Variants in XPO6 observed in about 807,000 individuals in gnomAD.
The protein encoded by XPO6 is exportin 6, also known as exportin-6.
A neutral mutation model predicts 130.0 loss-of-function variants in XPO6; 3 were observed. The observed-to-expected ratio is 0.02, with a 90% CI of 0.01 to 0.06. XPO6 has a LOEUF of 0.06. Among genes scored for constraint, XPO6 ranks in the 10% least tolerant of loss-of-function variants. The probability of loss-of-function intolerance (pLI) is 1.00; values close to 1 mark genes in which losing one functional copy is unlikely to be tolerated. For synonymous variants in XPO6, 524 were observed against 548.9 expected, an observed-to-expected ratio of 0.95 and a Z score of 0.63; for missense variants, 970 against 1,393.0, an observed-to-expected ratio of 0.70 and a Z score of 4.83.
chr16:28,160,126 A>T (rs2141833441), intron 6 of XPO6, among the ~76,000 whole-genome samples: 1 of 145,190 alleles, frequency 6.9e-6, no homozygotes, highest in East Asian at 2.1e-4. Context: ...TGGAGGTTGC[A>T]GTAAGTAGAG....
chr16:28,201,355 C>T (rs2043950075), intron 1 of XPO6, among the ~76,000 whole-genome samples: 1 of 152,138 alleles, frequency 6.6e-6, no homozygotes. Context: ...TTACACCTGA[C>T]TCTTAATTAC....
chr16:28,121,869 A>G, intron 13 of XPO6, 107 bp from the exon 14 acceptor site: 1 of 693,652 alleles, frequency 1.4e-6, no homozygotes, highest in Non-Finnish European at 2.5e-6. Flanking sequence ...ACTTTTTCAT[A>G]TACAAAAAAG....
intron 6 of XPO6, among the ~76,000 whole-genome samples, chr16:28,163,758 C>A (rs1406000368): frequency 6.6e-6 from 1 of 152,176 alleles, no homozygotes; most frequent in Non-Finnish European, 1.5e-5. Context: ...AGGAAGTGGA[C>A]AGAATTGGTG....
chr16:28,146,726 G>C (rs1409609461), intron 8 of XPO6, among the ~76,000 whole-genome samples: 2 of 152,198 alleles, frequency 1.3e-5, no homozygotes, highest in Non-Finnish European at 2.9e-5. Flanking sequence ...CTACAGAACA[G>C]ACTGAAAATG....
At chr16:28,109,301 CT>C (rs77303555) in intron 17 of XPO6, among the ~76,000 whole-genome samples, 358 of 141,412 alleles carry the variant, frequency 2.5e-3, no homozygotes, top group Middle Eastern at 3.6e-3. Context: ...TTTTTCTTTT[CT>C]TTTTTTTTTT....
chr16:28,126,999 T>G (rs2087434670), intron 12 of XPO6, among the ~76,000 whole-genome samples: 2 of 151,932 alleles, frequency 1.3e-5, no homozygotes, highest in South Asian at 2.1e-4. Context: ...CCACCAACCC[T>G]CCTCCCGCTG....
intron 1 of XPO6, among the ~76,000 whole-genome samples, chr16:28,198,089 C>T (rs138321176): frequency 0.013 from 1,933 of 150,734 alleles, 20 homozygotes; most frequent in African/African-American, 0.018. Context: ...TATTATTTAC[C>T]ATGGCAAAAA....
intron 17 of XPO6, 122 bp downstream of exon 17, chr16:28,111,695 C>T: frequency 9.2e-7 from 1 of 1,081,596 alleles, no homozygotes; most frequent in Non-Finnish European, 1.3e-6. Context: ...CCTGCTCAGC[C>T]TCTGTGGGAC....
chr16:28,160,956 G>A (rs1211399270), intron 6 of XPO6, among the ~76,000 whole-genome samples: 1 of 152,138 alleles, frequency 6.6e-6, no homozygotes, highest in Non-Finnish European at 1.5e-5. Context: ...CTCTTTAGTG[G>A]CTGGTTTAAA....
chr16:28,117,474 AAAG>A lies in XPO6; in HGVS notation c.1860-15_1860-13del. ...GGGACTGAGCATGCCTGCAGAAAGA[AAAG>A]AAGATGTGATTTTAAAGGTTAAGGT... On this transcript the variant is annotated splice_polypyrimidine_tract_variant and intron_variant, in intron 14 of 23. Coordinates refer to ENST00000304658, the MANE Select transcript of XPO6 (RefSeq NM_015171.4). 2.5e-6 allele frequency: 4 copies of A among 1,609,432 alleles called. No homozygotes were observed. The highest frequency in any genetic ancestry group is 3.4e-6 in the Non-Finnish European group (4 of 1,176,022).
chr16:28,200,764 C>T (rs565333356), intron 1 of XPO6, among the ~76,000 whole-genome samples: 2 of 152,152 alleles, frequency 1.3e-5, no homozygotes, highest in African/African-American at 4.8e-5. Context: ...GGAGAAGTTA[C>T]TTAGCATTAC....
At chr16:28,135,838 T>A (rs770052599) in intron 9 of XPO6, among the ~76,000 whole-genome samples, 1 of 152,238 alleles carries the variant, frequency 6.6e-6, no homozygotes, top group Non-Finnish European at 1.5e-5. Flanking sequence ...GCCTCATTTT[T>A]GCCATTTTGC....
rs144276029 is a variant in XPO6, at chr16:28,157,183, G to A, written c.644-656C>T. Among the ~76,000 whole-genome samples the A allele has an allele frequency of 9.3e-4, 141 of 152,276 alleles. 2 individuals are homozygous for A. The highest frequency in any genetic ancestry group is 1.6e-3 in the Non-Finnish European group (106 of 68,018). ...TAAGATTTTCTAATCAAGGCTGGGC[G>A]CGGTGGCTCATGCCTGTAATCACAG... On this transcript the variant is annotated intron_variant, in intron 6 of 23. Coordinates refer to ENST00000304658, the MANE Select transcript of XPO6 (RefSeq NM_015171.4).
chr16:28,123,397 C>T (rs755550920), intron 13 of XPO6, among the ~76,000 whole-genome samples: 20 of 151,152 alleles, frequency 1.3e-4, no homozygotes, highest in South Asian at 8.3e-4. Context: ...TGAGCCACCA[C>T]GCCTGGAGTT....
chr16:28,102,751 A>C (rs2086680237), intron 21 of XPO6, among the ~76,000 whole-genome samples: 1 of 152,160 alleles, frequency 6.6e-6, no homozygotes, highest in Non-Finnish European at 1.5e-5. Flanking sequence ...AAAAAAAGAA[A>C]AAAGAAAAAA....
At chr16:28,181,624 C>T (rs2043617804) in intron 1 of XPO6, among the ~76,000 whole-genome samples, 1 of 151,856 alleles carries the variant, frequency 6.6e-6, no homozygotes, top group South Asian at 2.1e-4. Flanking sequence ...GCGATCTTCC[C>T]ATCCCAGCCA....
At chr16:28,121,560 T>C in intron 14 of XPO6, 110 bp downstream of exon 14, 3 of 848,710 alleles carry the variant, frequency 3.5e-6, no homozygotes, top group Admixed American at 3.7e-5. Flanking sequence ...TTTAAGAGTT[T>C]TTCCCTGATT....
chr16:28,115,285 A>AT (rs1247865792), intron 15 of XPO6, among the ~76,000 whole-genome samples: 1 of 152,172 alleles, frequency 6.6e-6, no homozygotes, highest in Non-Finnish European at 1.5e-5. Flanking sequence ...TATGAAACGT[A>AT]TTTCTGAAAC....
At chr16:28,166,808 G>T (rs1261863996) in intron 5 of XPO6, 2 of 985,202 alleles carry the variant, frequency 2.0e-6, no homozygotes, top group Admixed American at 1.2e-4. Context: ...TCTCCCCACT[G>T]TTGCCTCCAG....
Sources: allele counts gnomAD v4.1 joint callset (sites outside exome capture counted in the v4.1 genomes callset), GRCh38; gene constraint gnomAD v4.1.1; transcripts MANE v1.5; gene names NCBI Gene and HGNC (gene_info 2026-07-23, HGNC 2026-07-21).